Variants in SPPL2A observed in about 807,000 individuals in gnomAD.
The protein encoded by SPPL2A is signal peptide peptidase like 2A.
Under a neutral mutation model 63.8 loss-of-function variants are expected in SPPL2A, and 51 were observed. The ratio of observed to expected loss-of-function variants is 0.80; its 90% CI spans 0.64 to 1.01. SPPL2A has a LOEUF of 1.01. SPPL2A is among the 50% of genes least tolerant of loss of function. The pLI is 0.00. For missense variants in SPPL2A, 553 were observed against 622.7 expected, an observed-to-expected ratio of 0.89 and a Z score of 1.19; for synonymous variants, 188 against 205.8, an observed-to-expected ratio of 0.91 and a Z score of 0.74.
intron 7 of SPPL2A, among the ~76,000 whole-genome samples, 197 bp from the exon 8 acceptor site, chr15:50,736,399 T>C (rs987788780): frequency 4.6e-5 from 7 of 152,240 alleles, no homozygotes; most frequent in African/African-American, 7.2e-5. Context: ...ATGAATAATG[T>C]ACTATATCTG....
At chr15:50,728,271 G>A (rs1279133064) in intron 10 of SPPL2A, among the ~76,000 whole-genome samples, 1 of 151,824 alleles carries the variant, frequency 6.6e-6, no homozygotes, top group African/African-American at 2.4e-5. Context: ...TCTCTCATGG[G>A]GTATCCTACA....
rs1211333692 is a variant in SPPL2A, at chr15:50,702,599, T to C, written c.*5201A>G. 1 of 152,196 alleles carries C rather than the reference T, an allele frequency of 6.6e-6. No homozygotes were observed. Among genetic ancestry groups the C allele is most frequent in the Non-Finnish European group, 1.5e-5 (1 of 68,034 alleles). The allele number at this position is 152,196 out of a possible 1,614,324, so 9.4% of individuals were successfully genotyped here. A position where few individuals can be genotyped will look rare whatever the true frequency, so the allele number is the denominator to read the frequency against. On this transcript the variant is annotated 3_prime_UTR_variant, in exon 15 of 15. Transcript: ENST00000261854. ...CAGGCAAAAATTACCTAATTTACAT[T>C]GACTTGTCCTACTAGAAAATGTTGC...
At chr15:50,754,590 A>C (rs137931778) in intron 1 of SPPL2A, among the ~76,000 whole-genome samples, 12 of 152,332 alleles carry the variant, frequency 7.9e-5, no homozygotes, top group African/African-American at 2.9e-4. Context: ...CAAAACAAGA[A>C]AGTATAGTCT....
At chr15:50,728,140 AAC>A (rs1596382957) in intron 10 of SPPL2A, among the ~76,000 whole-genome samples, 1 of 152,210 alleles carries the variant, frequency 6.6e-6, no homozygotes, top group Admixed American at 6.5e-5. Flanking sequence ...TATTTTAAAA[AAC>A]AGTTTAGTTA....
chr15:50,711,553 T>A (rs1008779803), intron 14 of SPPL2A, among the ~76,000 whole-genome samples: 11 of 152,172 alleles, frequency 7.2e-5, no homozygotes, highest in Non-Finnish European at 1.6e-4. Context: ...AAACATTACT[T>A]CTTTTGATGA....
intron 10 of SPPL2A, 113 bp downstream of exon 10, chr15:50,730,845 TTTTAAGA>T (rs2062724426): frequency 1.7e-6 from 1 of 593,242 alleles, no homozygotes; most frequent in Non-Finnish European, 3.1e-6. Context: ...ATGACAGTTC[TTTTAAGA>T]GAATTAGAAT....
chr15:50,711,538 T>G (rs1290097173), intron 14 of SPPL2A, among the ~76,000 whole-genome samples: 1 of 152,138 alleles, frequency 6.6e-6, no homozygotes, highest in African/African-American at 2.4e-5. Context: ...AGTGAAACCC[T>G]ATAGAAACAT....
Position 50,762,899 on chromosome 15 carries a change from A to ATT in SPPL2A, c.66+2567_66+2568dup, listed in dbSNP as rs34293425. Among the ~76,000 whole-genome samples, 768 of 143,980 alleles carry ATT rather than the reference A, an allele frequency of 5.3e-3. 4 individuals are homozygous for ATT. Among genetic ancestry groups the ATT allele is most frequent in the African/African-American group, 0.013 (497 of 39,188 alleles). The allele number at this position is 143,980 out of a possible 152,430, so 94.5% of individuals were successfully genotyped here. A position where few individuals can be genotyped will look rare whatever the true frequency, so the allele number is the denominator to read the frequency against. On this transcript the variant is annotated intron_variant, in intron 1 of 14. Coordinates refer to ENST00000261854, the MANE Select transcript of SPPL2A (RefSeq NM_032802.4). Reference sequence around the variant, plus strand: ...AGGCACGCACCACCACGCCCGGCTAATTTTTTTTTTTTTGTATTTTTTTTT... The same window carrying ATT: ...AGGCACGCACCACCACGCCCGGCTAATTTTTTTTTTTTTTTGTATTTTTTTTT...
chr15:50,752,067 G>T (rs544093668), intron 1 of SPPL2A, among the ~76,000 whole-genome samples: 2 of 152,052 alleles, frequency 1.3e-5, no homozygotes, highest in Non-Finnish European at 2.9e-5. Context: ...CTGACCTCAG[G>T]TGATCCACCC....
chr15:50,721,576 A>G (rs984331089), intron 13 of SPPL2A, among the ~76,000 whole-genome samples: 5 of 150,930 alleles, frequency 3.3e-5, no homozygotes, highest in African/African-American at 1.2e-4. Flanking sequence ...GACCATAGGC[A>G]TGACCACCAC....
intron 4 of SPPL2A, 123 bp downstream of exon 4, chr15:50,747,990 T>C (rs542359127): frequency 6.3e-6 from 3 of 473,958 alleles, no homozygotes; most frequent in Admixed American, 4.3e-5. Flanking sequence ...AAAAACTTGA[T>C]AGGCCTTATA....
rs572278827 is a variant in SPPL2A, at chr15:50,736,676, T to C, written c.798A>G (p.Ala266=). The C allele has an allele frequency of 2.5e-6, 4 of 1,607,302 alleles. No individual in the cohort carries two copies. The African/African-American group carries it at 5.3e-5, about 21-fold the overall frequency. The change falls in exon 7 of 15, where the codon GCA becomes GCG. Residue 266 remains alanine, a synonymous_variant. Transcript: ENST00000261854. ...SAMSLYNCLA[A]LIHKIPYGQC... ...GTCCATATGGTATCTTATGAATTAG[T>C]GCAGCAAGACAGTTGTACAGACTCA...
At chr15:50,726,022 C>T (rs2062684822) in intron 11 of SPPL2A, 2 of 1,194,490 alleles carry the variant, frequency 1.7e-6, no homozygotes, top group Admixed American at 5.1e-5. Context: ...AGTCTTGTCT[C>T]AGAGGGTATG....
At chr15:50,714,878 G>A (rs1269038540) in intron 14 of SPPL2A, among the ~76,000 whole-genome samples, 5 of 152,066 alleles carry the variant, frequency 3.3e-5, no homozygotes, top group African/African-American at 1.2e-4. Flanking sequence ...AGGAGGTGGA[G>A]GTTGCAGTAA....
chr15:50,748,941 C>T (rs2062882699), intron 2 of SPPL2A, 71 bp from the exon 3 acceptor site: 11 of 922,344 alleles, frequency 1.2e-5, no homozygotes, highest in Non-Finnish European at 1.8e-5. Flanking sequence ...GTTATAAATA[C>T]TGCCTTTGGT....
intron 1 of SPPL2A, among the ~76,000 whole-genome samples, chr15:50,750,616 C>T (rs2062898220): frequency 6.6e-6 from 1 of 152,078 alleles, no homozygotes; most frequent in Non-Finnish European, 1.5e-5. Context: ...AAAAGAAAAG[C>T]GTTGTCTCAT....
intron 10 of SPPL2A, among the ~76,000 whole-genome samples, chr15:50,726,763 T>C (rs1270012565): frequency 6.6e-6 from 1 of 152,244 alleles, no homozygotes; most frequent in Non-Finnish European, 1.5e-5. Context: ...CAGTTTTCAG[T>C]AATGTCAGTG....
intron 2 of SPPL2A, among the ~76,000 whole-genome samples, chr15:50,749,367 A>T (rs2062887049): frequency 6.6e-6 from 1 of 151,982 alleles, no homozygotes; most frequent in Admixed American, 6.6e-5. Flanking sequence ...AGCTCACTGC[A>T]AGCTCTGCCT....
chr15:50,747,199 G>A (rs1289697901), intron 5 of SPPL2A, among the ~76,000 whole-genome samples: 1 of 152,026 alleles, frequency 6.6e-6, no homozygotes, highest in Admixed American at 6.6e-5. Flanking sequence ...AAATCAATAG[G>A]CATATTAGGA....
Sources: allele counts gnomAD v4.1 joint callset (sites outside exome capture counted in the v4.1 genomes callset), GRCh38; gene constraint gnomAD v4.1.1; transcripts MANE v1.5; gene names NCBI Gene and HGNC (gene_info 2026-07-23, HGNC 2026-07-21).